Variants in BMPR1B observed in about 807,000 individuals in gnomAD.
The protein encoded by BMPR1B is bone morphogenetic protein receptor type 1B.
A neutral mutation model predicts 59.1 loss-of-function variants in BMPR1B; 12 were observed. That is an observed-to-expected ratio of 0.20 (90% confidence interval 0.13 to 0.33). The LOEUF (loss-of-function observed/expected upper bound fraction) is 0.33. BMPR1B is among the 10% of genes least tolerant of loss of function. The probability of loss-of-function intolerance (pLI) is 1.00; values close to 1 mark genes in which losing one functional copy is unlikely to be tolerated. For synonymous variants in BMPR1B, 237 were observed against 207.3 expected, an observed-to-expected ratio of 1.14 and a Z score of -1.23; for missense variants, 550 against 610.9, an observed-to-expected ratio of 0.90 and a Z score of 1.05.
intron 1 of BMPR1B, among the ~76,000 whole-genome samples, chr4:94,771,849 C>T (rs1722199009): frequency 6.6e-6 from 1 of 152,118 alleles, no homozygotes; most frequent in Admixed American, 6.6e-5. Context: ...AAGAAAAAGA[C>T]TCATTTGAAA....
In BMPR1B at chr4:95,154,699, G is replaced by T. The variant is rs1450163928; in HGVS notation, c.*26G>T. Reference sequence around the variant, plus strand: ...TAGGAGAGGAAAAGTAAGCATCTCTGCAGAAAGCCAACAGGTACTCTTCTG... The same window carrying T: ...TAGGAGAGGAAAAGTAAGCATCTCTTCAGAAAGCCAACAGGTACTCTTCTG... On this transcript the variant is annotated 3_prime_UTR_variant, in exon 13 of 13. Coordinates refer to ENST00000515059, the MANE Select transcript of BMPR1B (RefSeq NM_001203.3). The T allele has an allele frequency of 1.1e-5, 17 of 1,613,352 alleles. No individual in the cohort carries two copies. The Admixed American group carries it at 2.0e-4, about 19-fold the overall frequency.
chr4:94,962,088 C>T (rs1168282602), intron 2 of BMPR1B, among the ~76,000 whole-genome samples: 65 of 127,318 alleles, frequency 5.1e-4, no homozygotes, highest in African/African-American at 2.1e-3. Flanking sequence ...TCCTTCCTTC[C>T]TTCCTTCCTT....
chr4:94,799,408 A>G (rs1723318276), intron 1 of BMPR1B, among the ~76,000 whole-genome samples: 1 of 150,348 alleles, frequency 6.7e-6, no homozygotes, highest in Admixed American at 6.7e-5. Flanking sequence ...GGTTCAAGTG[A>G]TTCCTCTGTC....
intron 2 of BMPR1B, among the ~76,000 whole-genome samples, chr4:94,951,664 A>G (rs1377896989): frequency 1.3e-5 from 2 of 152,150 alleles, no homozygotes; most frequent in African/African-American, 2.4e-5. Flanking sequence ...TTTTGCCAGT[A>G]TCTTATTGAG....
intron 2 of BMPR1B, among the ~76,000 whole-genome samples, chr4:94,963,123 T>C (rs529829559): frequency 3.9e-5 from 6 of 152,322 alleles, no homozygotes; most frequent in Admixed American, 2.0e-4. Context: ...TATACCTTCT[T>C]TGGAGAAATG....
Position 95,084,631 on chromosome 4 carries a change from T to C in BMPR1B, c.-17-19777T>C, listed in dbSNP as rs561079727. Among the ~76,000 whole-genome samples, 209 of 152,314 alleles carry C rather than the reference T, an allele frequency of 1.4e-3. 2 individuals carry two copies. The highest frequency in any genetic ancestry group is 1.1e-3 in the Non-Finnish European group (78 of 68,032). On this transcript the variant is annotated intron_variant, in intron 3 of 12. Coordinates refer to ENST00000515059, the MANE Select transcript of BMPR1B (RefSeq NM_001203.3). ...CTTTAGAAACATCTATTACCCTCTTTGTTACCCATCCAGGGAGTGTGGTCA... is the reference window on the plus strand; with the variant it reads ...CTTTAGAAACATCTATTACCCTCTTCGTTACCCATCCAGGGAGTGTGGTCA...
intron 1 of BMPR1B, among the ~76,000 whole-genome samples, chr4:94,834,099 G>A (rs11097442): frequency 1.1e-4 from 17 of 152,260 alleles, no homozygotes; most frequent in African/African-American, 2.4e-4. Context: ...TCTGAACATT[G>A]CCAGTCATTT....
At chr4:95,101,669 C>T (rs114664990) in intron 3 of BMPR1B, among the ~76,000 whole-genome samples, 1 of 152,078 alleles carries the variant, frequency 6.6e-6, no homozygotes. Flanking sequence ...TAATTATTAA[C>T]TCTAATATTT....
At chr4:94,854,305 G>T (rs1251687035) in intron 1 of BMPR1B, among the ~76,000 whole-genome samples, 1 of 152,110 alleles carries the variant, frequency 6.6e-6, no homozygotes, top group Non-Finnish European at 1.5e-5. Flanking sequence ...TAATGAATTT[G>T]AATATGGAAA....
intron 2 of BMPR1B, among the ~76,000 whole-genome samples, chr4:94,949,753 G>C (rs186873915): frequency 6.6e-6 from 1 of 152,120 alleles, no homozygotes; most frequent in Non-Finnish European, 1.5e-5. Context: ...ATAAACATAC[G>C]TGTGCATGTG....
At chr4:94,809,066 A>G (rs1469554031) in intron 1 of BMPR1B, among the ~76,000 whole-genome samples, 2 of 152,118 alleles carry the variant, frequency 1.3e-5, no homozygotes. Context: ...AGAAAAAGAT[A>G]ATAATAATTG....
intron 4 of BMPR1B, among the ~76,000 whole-genome samples, chr4:95,106,741 G>A (rs1408501916): frequency 6.6e-6 from 1 of 151,942 alleles, no homozygotes; most frequent in African/African-American, 2.4e-5. Flanking sequence ...GTCAAAATGT[G>A]CATAGCATTA....
intron 10 of BMPR1B, among the ~76,000 whole-genome samples, chr4:95,134,858 T>G (rs980677814): frequency 2.0e-4 from 31 of 152,216 alleles, no homozygotes; most frequent in African/African-American, 5.5e-4. Context: ...AGAAGCTCTT[T>G]AGTTTAATTA....
At chr4:94,917,751 T>A (rs116385194) in intron 2 of BMPR1B, among the ~76,000 whole-genome samples, 1 of 152,120 alleles carries the variant, frequency 6.6e-6, no homozygotes, top group African/African-American at 2.4e-5. Context: ...TGGGAAGGCA[T>A]GATTATATTT....
At chr4:95,028,268 A>G (rs1724565737) in intron 3 of BMPR1B, among the ~76,000 whole-genome samples, 1 of 152,226 alleles carries the variant, frequency 6.6e-6, no homozygotes, top group Non-Finnish European at 1.5e-5. Context: ...AAGGTTTAAA[A>G]GAAACTGTTG....
At chr4:94,927,778 A>G (rs1282074640) in intron 2 of BMPR1B, among the ~76,000 whole-genome samples, 30 of 152,136 alleles carry the variant, frequency 2.0e-4, no homozygotes, top group Non-Finnish European at 4.4e-5. Flanking sequence ...TATGGAGAGC[A>G]GTTGGGACTC....
intron 4 of BMPR1B, among the ~76,000 whole-genome samples, chr4:95,108,933 C>T (rs1021034784): frequency 1.3e-5 from 2 of 152,048 alleles, no homozygotes; most frequent in African/African-American, 4.8e-5. Flanking sequence ...GAGTAACTCT[C>T]CTTATGTGGC....
At chr4:94,796,320 T>A (rs1217601307) in intron 1 of BMPR1B, among the ~76,000 whole-genome samples, 2 of 152,306 alleles carry the variant, frequency 1.3e-5, no homozygotes, top group South Asian at 4.1e-4. Flanking sequence ...TGTCATGTAC[T>A]TAGTAGTGTT....
rs1332063481 is a variant in BMPR1B, at chr4:94,902,247, CACAGAGAGAG to C, written c.-113+26349_-113+26358del. Among the ~76,000 whole-genome samples, 509 of 84,704 alleles carry C rather than the reference CACAGAGAGAG, an allele frequency of 6.0e-3. 1 individual carries two copies. Among genetic ancestry groups the C allele is most frequent in the East Asian group, 0.029 (64 of 2,170 alleles). 55.6% of individuals were successfully genotyped at this position (84,704 alleles called of 152,430 possible). A position where few individuals can be genotyped will look rare whatever the true frequency, so the allele number is the denominator to read the frequency against. On this transcript the variant is annotated intron_variant, in intron 2 of 12. Coordinates refer to ENST00000515059, the MANE Select transcript of BMPR1B (RefSeq NM_001203.3). ...ACACACACACACACACACACACACA[CACAGAGAGAG>C]AGAGAGAGAGAGAGAGAGAGAGAGA...
Sources: gnomAD v4.1 joint callset for allele counts (sites outside exome capture counted in the v4.1 genomes callset) on GRCh38, gnomAD v4.1.1 for gene constraint, MANE v1.5 for transcripts, NCBI Gene and HGNC (gene_info 2026-07-23, HGNC 2026-07-21) for gene names.